Variants in CACNA1D observed in about 807,000 individuals in gnomAD.
CACNA1D encodes the protein calcium voltage-gated channel subunit alpha1 D.
A neutral mutation model predicts 257.1 loss-of-function variants in CACNA1D; 55 were observed. That is an observed-to-expected ratio of 0.21 (90% CI 0.17 to 0.27). The LOEUF (loss-of-function observed/expected upper bound fraction) is 0.27. Among genes scored for constraint, CACNA1D ranks in the 10% least tolerant of loss-of-function variants. The pLI is 1.00. For synonymous variants in CACNA1D, 980 were observed against 1,014.9 expected (o/e 0.97, Z 0.65); for missense variants, 1,876 against 2,784.0 (o/e 0.67, Z 7.34).
intron 3 of CACNA1D, among the ~76,000 whole-genome samples, chr3:53,599,207 A>G (rs957478826): frequency 1.3e-5 from 2 of 152,224 alleles, no homozygotes; most frequent in African/African-American, 2.4e-5. Context: ...TTAATTTTGA[A>G]ACATATAGGA....
chr3:53,538,179 G>T (rs989714237), intron 3 of CACNA1D, among the ~76,000 whole-genome samples: 2 of 109,116 alleles, frequency 1.8e-5, no homozygotes, highest in Non-Finnish European at 1.6e-5. Context: ...ACAGAGTCTC[G>T]TTCTATCTCC....
chr3:53,709,798 G>C (rs1359875490), intron 9 of CACNA1D, among the ~76,000 whole-genome samples: 1 of 152,162 alleles, frequency 6.6e-6, no homozygotes, highest in Non-Finnish European at 1.5e-5. Flanking sequence ...GCCAAAGCTG[G>C]GCACATTGCT....
In CACNA1D at chr3:53,501,248, C is replaced by T. The variant is rs1429846022; in HGVS notation, c.378-367C>T. ...ATGATTTCTCTGTGTCTACCACAGC[C>T]GGGAACTTAGTAAGGCTCTTGTCAC... On this transcript the variant is annotated intron_variant, in intron 2 of 47. Transcript: ENST00000350061. 5.3e-5 allele frequency among the ~76,000 whole-genome samples: 8 copies of T among 152,188 alleles called. No homozygotes were observed. In the South Asian group the frequency reaches 1.0e-3, roughly 20 times the overall value.
intron 5 of CACNA1D, among the ~76,000 whole-genome samples, chr3:53,664,687 C>T (rs952075519): frequency 1.4e-5 from 2 of 143,688 alleles, no homozygotes; most frequent in South Asian, 4.5e-4. Context: ...TGGGCTGTGC[C>T]CAGAGAGAAG....
intron 29 of CACNA1D, among the ~76,000 whole-genome samples, chr3:53,755,471 T>A (rs940334721): frequency 6.6e-6 from 1 of 151,460 alleles, no homozygotes; most frequent in African/African-American, 2.4e-5. Context: ...GGGAGGAGAG[T>A]TCAGTAGCGC....
At chr3:53,509,272 GC>G (rs750296868) in intron 3 of CACNA1D, among the ~76,000 whole-genome samples, 61 of 145,656 alleles carry the variant, frequency 4.2e-4, no homozygotes, top group Non-Finnish European at 7.8e-4. Flanking sequence ...GAGCTCCACA[GC>G]CCCCTCTGTG....
At position 53,708,503 on chromosome 3, in the gene CACNA1D, G is replaced by A. The variant is rs374866737; in HGVS notation, c.1390+5693G>A. On this transcript the variant is annotated intron_variant, in intron 9 of 47. Coordinates refer to ENST00000350061, the MANE Select transcript of CACNA1D (RefSeq NM_001128840.3). The stretch of plus-strand genomic sequence containing the variant: ...CTGGGAGTAGTTGTCTGGACAGGCA[G>A]ACTCTCTCCACAGGGGTGATAGAAA... Among the ~76,000 whole-genome samples the A allele has an allele frequency of 1.5e-3, 232 of 152,314 alleles. 2 individuals are homozygous for A. Among genetic ancestry groups the A allele is most frequent in the African/African-American group, 5.2e-3 (218 of 41,570 alleles).
intron 8 of CACNA1D, among the ~76,000 whole-genome samples, chr3:53,693,227 C>G (rs1347837969): frequency 6.6e-6 from 1 of 152,136 alleles, no homozygotes; most frequent in Non-Finnish European, 1.5e-5. Context: ...GTCTTCCCCC[C>G]ACAGACATTA....
intron 22 of CACNA1D, among the ~76,000 whole-genome samples, 172 bp from the exon 23 acceptor site, chr3:53,744,568 C>G (rs766764161): frequency 4.6e-5 from 7 of 152,056 alleles, no homozygotes; most frequent in Admixed American, 2.6e-4. Flanking sequence ...CTCGTGTGGG[C>G]GGGGAGGAGA....
intron 30 of CACNA1D, among the ~76,000 whole-genome samples, chr3:53,769,541 G>A (rs914074724): frequency 7.2e-5 from 11 of 152,202 alleles, no homozygotes; most frequent in Admixed American, 2.0e-4. Context: ...TGGCCCGCAG[G>A]CAGGCACCAC....
At chr3:53,562,100 A>G (rs1198565097) in intron 3 of CACNA1D, among the ~76,000 whole-genome samples, 1 of 152,206 alleles carries the variant, frequency 6.6e-6, no homozygotes, top group Non-Finnish European at 1.5e-5. Context: ...TCTACCTTTA[A>G]GGAACTTAGA....
intron 8 of CACNA1D, chr3:53,679,270 CAAAAAAAAAAAAAAAAAAAAAAAA>C (rs1166823497): frequency 1.2e-4 from 2 of 16,330 alleles, no homozygotes; most frequent in Admixed American, 1.4e-3. Flanking sequence ...AACTCCATCT[CAAAAAAAAAAAAAAAAAAAAAAAA>C]AAAAAAAAAA....
At chr3:53,683,595 G>A (rs1210230810) in intron 8 of CACNA1D, among the ~76,000 whole-genome samples, 1 of 152,200 alleles carries the variant, frequency 6.6e-6, no homozygotes, top group East Asian at 1.9e-4. Context: ...AAAGTCGATA[G>A]AAACAAAAGA....
At chr3:53,712,799 G>T (rs768029641) in intron 9 of CACNA1D, among the ~76,000 whole-genome samples, 43 of 152,152 alleles carry the variant, frequency 2.8e-4, no homozygotes, top group South Asian at 6.2e-4. Context: ...GTGCAAAAAA[G>T]TCTGTCCTGT....
At chr3:53,748,984 C>T (rs2108862800) in intron 26 of CACNA1D, 1 of 533,758 alleles carries the variant, frequency 1.9e-6, no homozygotes, top group Non-Finnish European at 3.4e-6. Context: ...TTCTTCCTCT[C>T]TGAATAGAAA....
chr3:53,565,567 G>A (rs1349041790), intron 3 of CACNA1D, among the ~76,000 whole-genome samples: 1 of 152,164 alleles, frequency 6.6e-6, no homozygotes, highest in African/African-American at 2.4e-5. Flanking sequence ...AGGAAAATCA[G>A]TCTGGTAGAT....
At chr3:53,626,895 A>G (rs1559936813) in intron 3 of CACNA1D, among the ~76,000 whole-genome samples, 1 of 152,022 alleles carries the variant, frequency 6.6e-6, no homozygotes, top group Non-Finnish European at 1.5e-5. Context: ...TTTTCATCTG[A>G]TTTAAGACTC....
At chr3:53,796,133 G>T in intron 40 of CACNA1D, 1 of 283,434 alleles carries the variant, frequency 3.5e-6, no homozygotes, top group South Asian at 3.4e-5. Flanking sequence ...ATCTCATTCT[G>T]TTTTCTAATG....
chr3:53,607,749 C>T (rs2093531038), intron 3 of CACNA1D, among the ~76,000 whole-genome samples: 1 of 152,174 alleles, frequency 6.6e-6, no homozygotes, highest in African/African-American at 2.4e-5. Context: ...GAAGTTCACT[C>T]CTTAACCTGA....
Sources: allele counts gnomAD v4.1 joint callset (sites outside exome capture counted in the v4.1 genomes callset), GRCh38; gene constraint gnomAD v4.1.1; transcripts MANE v1.5; gene names NCBI Gene and HGNC (gene_info 2026-07-23, HGNC 2026-07-21).